The following MBOAT2 variants were observed in gnomAD, a reference collection of about 807,000 sequenced individuals.
The protein encoded by MBOAT2 is membrane bound glycerophospholipid O-acyltransferase 2.
In MBOAT2, 28 loss-of-function variants were observed where a neutral mutation model predicts 63.4. That is an observed-to-expected ratio of 0.44 (90% CI 0.33 to 0.61). The LOEUF is 0.61. Among genes scored for constraint, MBOAT2 ranks in the 20% least tolerant of loss-of-function variants. MBOAT2 has a pLI of 0.03. For synonymous variants in MBOAT2, 211 were observed against 215.6 expected (o/e 0.98, Z 0.19); for missense variants, 470 against 605.8 (o/e 0.78, Z 2.35).
At chr2:8,879,670 C>T (rs1050461138) in intron 6 of MBOAT2, among the ~76,000 whole-genome samples, 6 of 152,042 alleles carry the variant, frequency 3.9e-5, no homozygotes, top group African/African-American at 1.2e-4. Context: ...ACCCACCGGA[C>T]GCCAGTAGCA....
intron 3 of MBOAT2, among the ~76,000 whole-genome samples, chr2:8,932,049 T>C (rs941653695): frequency 1.3e-5 from 2 of 152,184 alleles, no homozygotes; most frequent in African/African-American, 2.4e-5. Context: ...CTGGCAGTTT[T>C]TCAGGTTCTT....
At chr2:8,904,914 A>C (rs953758523) in intron 4 of MBOAT2, among the ~76,000 whole-genome samples, 1 of 152,214 alleles carries the variant, frequency 6.6e-6, no homozygotes, top group East Asian at 1.9e-4. Context: ...CTGTAAACAG[A>C]AACTTGTATT....
chr2:8,861,686 A>T (rs558964691), intron 11 of MBOAT2, among the ~76,000 whole-genome samples: 3 of 152,206 alleles, frequency 2.0e-5, no homozygotes, highest in Admixed American at 6.5e-5. Context: ...AGATCCAAAC[A>T]CCTTCCTAAT....
At chr2:8,944,826 T>C (rs1045762004) in intron 2 of MBOAT2, among the ~76,000 whole-genome samples, 1 of 152,210 alleles carries the variant, frequency 6.6e-6, no homozygotes, top group Non-Finnish European at 1.5e-5. Flanking sequence ...CTACCTCTTA[T>C]GTGTTGCCAA....
At chr2:8,996,013 C>T (rs1459193795) in intron 1 of MBOAT2, among the ~76,000 whole-genome samples, 2 of 152,174 alleles carry the variant, frequency 1.3e-5, no homozygotes, top group African/African-American at 4.8e-5. Context: ...ATGCAGACTC[C>T]CTGGCCCTCA....
chr2:8,891,065 T>C (rs1663957133), intron 4 of MBOAT2, among the ~76,000 whole-genome samples: 1 of 152,256 alleles, frequency 6.6e-6, no homozygotes, highest in Non-Finnish European at 1.5e-5. Context: ...CCTAATACAC[T>C]ATCAGTGTGG....
At chr2:8,999,357 A>C (rs1289528068) in intron 1 of MBOAT2, among the ~76,000 whole-genome samples, 1 of 152,224 alleles carries the variant, frequency 6.6e-6, no homozygotes, top group Non-Finnish European at 1.5e-5. Context: ...ATGGTTAAAA[A>C]GGCAAGAAAG....
intron 1 of MBOAT2, among the ~76,000 whole-genome samples, chr2:8,997,259 G>C (rs979217827): frequency 1.3e-5 from 2 of 152,216 alleles, no homozygotes; most frequent in African/African-American, 4.8e-5. Context: ...GCCAAAAGCT[G>C]AGTGTGAGTT....
At chr2:8,912,349 A>AAGAG (rs1491407070) in intron 3 of MBOAT2, among the ~76,000 whole-genome samples, 1 of 76,506 alleles carries the variant, frequency 1.3e-5, no homozygotes, top group Non-Finnish European at 2.7e-5. Context: ...GAAAGAAAGA[A>AAGAG]AGAGAAAGAA....
chr2:8,881,385 G>A (rs1306513275), intron 6 of MBOAT2, among the ~76,000 whole-genome samples: 1 of 152,192 alleles, frequency 6.6e-6, no homozygotes, highest in Non-Finnish European at 1.5e-5. Context: ...GGGCAAGTGA[G>A]TGGACTGAGG....
At chr2:8,936,438 C>G (rs1667662494) in intron 3 of MBOAT2, among the ~76,000 whole-genome samples, 1 of 152,144 alleles carries the variant, frequency 6.6e-6, no homozygotes, top group Non-Finnish European at 1.5e-5. Flanking sequence ...GCAAGGCAAC[C>G]CATTAGATCT....
chr2:8,870,640 T>C (rs1253185029), intron 8 of MBOAT2, among the ~76,000 whole-genome samples: 1 of 152,168 alleles, frequency 6.6e-6, no homozygotes, highest in African/African-American at 2.4e-5. Flanking sequence ...CTGACAGAGT[T>C]GAAACCTGAA....
At chr2:8,868,667 C>G (rs1662082062) in intron 8 of MBOAT2, 118 bp from the exon 9 acceptor site, 1 of 822,484 alleles carries the variant, frequency 1.2e-6, no homozygotes, top group Admixed American at 2.9e-5. Context: ...TAGATTTATT[C>G]TGATTTTTAA....
rs1418100586 is a variant in MBOAT2, at chr2:9,003,186, G to C, written c.75+354C>G. On this transcript the variant is annotated intron_variant, in intron 1 of 12. Transcript: ENST00000305997. This position sits in a 1 kb window ranked among gnomAD's most constrained non-coding sequence, Gnocchi z 5.4. ...CACAACCCGGTCCATGCGCACCGGG[G>C]GCTGCTCCGGGACCCGACCACCGGA... Among the ~76,000 whole-genome samples, 1 of 152,022 alleles carries C rather than the reference G, an allele frequency of 6.6e-6. No individual in the cohort carries two copies. Among genetic ancestry groups the C allele is most frequent in the African/African-American group, 2.4e-5 (1 of 41,388 alleles).
chr2:8,896,030 G>A (rs1410350448), intron 4 of MBOAT2, among the ~76,000 whole-genome samples: 1 of 152,054 alleles, frequency 6.6e-6, no homozygotes, highest in Non-Finnish European at 1.5e-5. Flanking sequence ...GAGGTCAGAA[G>A]ATCGAGACCA....
Position 8,985,134 on chromosome 2 carries a change from T to C in MBOAT2, c.75+18406A>G, listed in dbSNP as rs188121126. ...TCCTTTTCTCAACGGCTTTAAGATA[T>C]GCAAATCAAATTCTTCATCTTCCAC... On this transcript the variant is annotated intron_variant, in intron 1 of 12. Coordinates refer to ENST00000305997, the MANE Select transcript of MBOAT2 (RefSeq NM_138799.4). 1.4e-4 allele frequency among the ~76,000 whole-genome samples: 22 copies of C among 152,280 alleles called. No individual in the cohort carries two copies. In the South Asian group the frequency reaches 1.5e-3, roughly 10 times the overall value.
At chr2:8,981,871 C>A (rs1186016264) in intron 1 of MBOAT2, among the ~76,000 whole-genome samples, 1 of 152,114 alleles carries the variant, frequency 6.6e-6, no homozygotes, top group Non-Finnish European at 1.5e-5. Flanking sequence ...AAGATCTATA[C>A]CCAAAACTAA....
intron 7 of MBOAT2, among the ~76,000 whole-genome samples, chr2:8,874,571 A>T (rs1207589039): frequency 6.6e-6 from 1 of 152,186 alleles, no homozygotes; most frequent in African/African-American, 2.4e-5. Flanking sequence ...CTGCAACGAA[A>T]ATGTAAAGAA....
chr2:8,939,964 T>C (rs1667933650), intron 3 of MBOAT2, among the ~76,000 whole-genome samples: 2 of 152,106 alleles, frequency 1.3e-5, no homozygotes, highest in Admixed American at 6.5e-5. Flanking sequence ...TAAATTTCAG[T>C]CAAATGAAAT....
Sources: gnomAD v4.1 joint callset for allele counts (sites outside exome capture counted in the v4.1 genomes callset) on GRCh38, gnomAD v4.1.1 for gene constraint, Gnocchi (gnomAD v3.1) non-coding constraint, MANE v1.5 for transcripts, NCBI Gene and HGNC (gene_info 2026-07-23, HGNC 2026-07-21) for gene names.